SVIL: variants seen among roughly 807,000 people sequenced by gnomAD.
SVIL encodes the protein supervillin, also known as archvillin.
In SVIL, 101 loss-of-function variants were observed where a neutral mutation model predicts 240.4. That is an observed-to-expected ratio of 0.42 (90% CI 0.36 to 0.50). SVIL has a LOEUF of 0.50. Among genes scored for constraint, SVIL ranks in the 20% least tolerant of loss-of-function variants. SVIL has a pLI of 0.01. For missense variants in SVIL, 2,512 were observed against 2,818.7 expected (o/e 0.89, Z 2.46); for synonymous variants, 999 against 1,100.0 (o/e 0.91, Z 1.82).
intron 1 of SVIL, 69 bp from the exon 2 acceptor site, chr10:29,569,381 C>T: frequency 1.4e-6 from 1 of 707,134 alleles, no homozygotes; most frequent in Non-Finnish European, 1.7e-6. Flanking sequence ...TGAGAAAAAA[C>T]TCTCCAAACT....
At chr10:29,732,546 C>A (rs79958080) in intron 1 of SVIL, among the ~76,000 whole-genome samples, 2 of 152,148 alleles carry the variant, frequency 1.3e-5, no homozygotes, top group African/African-American at 4.8e-5. Flanking sequence ...GTTTAACTGA[C>A]CTATGCTTCA....
Position 29,597,851 on chromosome 10 carries a change from A to T in SVIL, c.-200-28539T>A, listed in dbSNP as rs566024864. On this transcript the variant is annotated intron_variant, in intron 1 of 37. Transcript: ENST00000355867. ...AGATTCACAGCCGGTAACTCAGGGT[A>T]ACTCACATCTCTGCCACCGCTCACA... 1.4e-4 allele frequency among the ~76,000 whole-genome samples: 21 copies of T among 152,136 alleles called. No homozygotes were observed. The South Asian group carries it at 3.7e-3, about 27-fold the overall frequency.
Position 29,524,691 on chromosome 10 carries a change from C to T in SVIL, c.2367G>A (p.Lys789=). The part of the protein sequence containing the change: ...PARLQASAHQ[K]ALAKDQTNEG... ...CATTTGTCTGGTCCTTGGCTAAGGC[C>T]TTTTGGTGAGCAGAGGCCTGCAATC... The change falls in exon 14 of 38, where the codon AAG becomes AAA. Residue 789 remains lysine, a synonymous_variant. Transcript: ENST00000355867. The T allele has an allele frequency of 1.2e-6, 2 of 1,614,114 alleles. No individual in the cohort carries two copies. Among genetic ancestry groups the T allele is most frequent in the Non-Finnish European group, 8.5e-7 (1 of 1,180,006 alleles).
intron 16 of SVIL, 73 bp from the exon 17 acceptor site, chr10:29,512,934 T>A: frequency 6.5e-7 from 1 of 1,549,314 alleles, no homozygotes. Flanking sequence ...ATAATCTAGG[T>A]AAGAGAGGCG....
intron 1 of SVIL, among the ~76,000 whole-genome samples, chr10:29,720,959 G>A (rs1264497409): frequency 6.6e-6 from 1 of 152,126 alleles, no homozygotes; most frequent in Non-Finnish European, 1.5e-5. Context: ...TGATTCTCAT[G>A]CCTCGGCCTC....
At chr10:29,506,602 G>T (rs1949293478) in intron 17 of SVIL, among the ~76,000 whole-genome samples, 1 of 150,118 alleles carries the variant, frequency 6.7e-6, no homozygotes, top group South Asian at 2.1e-4. Context: ...CTGCTGGGGA[G>T]ACAAGGCCCT....
chr10:29,653,731 T>G (rs1958914032), intron 3 of SVIL, among the ~76,000 whole-genome samples: 1 of 152,174 alleles, frequency 6.6e-6, no homozygotes, highest in Non-Finnish European at 1.5e-5. Flanking sequence ...TGATATGAGG[T>G]AGGAGTCCAG....
chr10:29,589,102 A>T (rs1956285373), intron 1 of SVIL, among the ~76,000 whole-genome samples: 1 of 152,228 alleles, frequency 6.6e-6, no homozygotes, highest in Admixed American at 6.5e-5. Flanking sequence ...ACAGGAGTTT[A>T]TCAGAAATTC....
intron 17 of SVIL, among the ~76,000 whole-genome samples, chr10:29,501,394 T>G (rs1948881497): frequency 6.7e-6 from 1 of 149,058 alleles, no homozygotes; most frequent in East Asian, 2.0e-4. Flanking sequence ...TCCAAACTAC[T>G]GGCACATGGT....
At chr10:29,511,732 CAAAGA>C (rs1409319330) in intron 17 of SVIL, among the ~76,000 whole-genome samples, 1 of 152,128 alleles carries the variant, frequency 6.6e-6, no homozygotes, top group Admixed American at 6.5e-5. Context: ...ATGTATGTCT[CAAAGA>C]AGAGAATTCA....
chr10:29,573,898 G>C (rs1955564430), intron 1 of SVIL, among the ~76,000 whole-genome samples: 1 of 152,186 alleles, frequency 6.6e-6, no homozygotes, highest in Admixed American at 6.5e-5. Context: ...GTTTCGCCAT[G>C]TTGGCCAGGC....
intron 1 of SVIL, among the ~76,000 whole-genome samples, chr10:29,713,255 C>G (rs1331236237): frequency 1.6e-5 from 2 of 125,206 alleles, no homozygotes; most frequent in African/African-American, 6.4e-5. Flanking sequence ...AGAAGTTGTA[C>G]ATGCCTCTGT....
At chr10:29,564,540 C>T (rs1954799885) in intron 2 of SVIL, among the ~76,000 whole-genome samples, 1 of 152,074 alleles carries the variant, frequency 6.6e-6, no homozygotes, top group Admixed American at 6.5e-5. Flanking sequence ...TCCCCCTGTT[C>T]GGGTGCATTT....
chr10:29,673,361 C>T (rs1828105007), intron 2 of SVIL, among the ~76,000 whole-genome samples: 1 of 146,822 alleles, frequency 6.8e-6, no homozygotes, highest in Non-Finnish European at 1.5e-5. Context: ...ATAATGAATA[C>T]TTTTTTTTTT....
At chr10:29,571,225 A>C (rs1451701000) in intron 1 of SVIL, among the ~76,000 whole-genome samples, 3 of 152,226 alleles carry the variant, frequency 2.0e-5, no homozygotes, top group African/African-American at 7.2e-5. Context: ...AGACCCCATA[A>C]TCAGATTATG....
intron 1 of SVIL, among the ~76,000 whole-genome samples, chr10:29,624,943 C>G (rs1360565736): frequency 6.6e-6 from 1 of 152,172 alleles, no homozygotes; most frequent in African/African-American, 2.4e-5. Context: ...ACCAAGCAAT[C>G]TCTTTCAACT....
At chr10:29,679,117 A>G (rs1312389916) in intron 2 of SVIL, among the ~76,000 whole-genome samples, 1 of 152,222 alleles carries the variant, frequency 6.6e-6, no homozygotes, top group African/African-American at 2.4e-5. Context: ...AGGCAGGAGA[A>G]TCACTTGAAC....
chr10:29,613,881 T>C (rs1295332628), intron 1 of SVIL, among the ~76,000 whole-genome samples: 2 of 152,224 alleles, frequency 1.3e-5, no homozygotes, highest in Non-Finnish European at 2.9e-5. Context: ...GATAATCACC[T>C]TACATATGAA....
chr10:29,516,941 T>C (rs879942945), intron 16 of SVIL, among the ~76,000 whole-genome samples: 4 of 152,208 alleles, frequency 2.6e-5, no homozygotes, highest in Non-Finnish European at 5.9e-5. Context: ...AAGATGTGTT[T>C]TCTCTCTCTT....
Sources: allele counts gnomAD v4.1 joint callset (sites outside exome capture counted in the v4.1 genomes callset), GRCh38; gene constraint gnomAD v4.1.1; transcripts MANE v1.5; gene names NCBI Gene and HGNC (gene_info 2026-07-23, HGNC 2026-07-21).